The following ACADM variants were observed in gnomAD, a reference collection of about 807,000 sequenced individuals.
ACADM encodes the protein medium-chain specific acyl-CoA dehydrogenase, mitochondrial.
Under a neutral mutation model 58.9 loss-of-function variants are expected in ACADM, and 49 were observed. The ratio of observed to expected loss-of-function variants is 0.83; its 90% CI spans 0.66 to 1.06. The LOEUF (loss-of-function observed/expected upper bound fraction) is 1.06, where lower values mean the gene tolerates loss of function less well. ACADM is among the 50% of genes least tolerant of loss of function. The pLI is 0.00. For missense variants in ACADM, 496 were observed against 507.0 expected (o/e 0.98, Z 0.21); for synonymous variants, 160 against 157.7 (o/e 1.01, Z -0.11).
At chr1:75,746,898 CA>C (rs1647935445) in intron 8 of ACADM, among the ~76,000 whole-genome samples, 1 of 152,144 alleles carries the variant, frequency 6.6e-6, no homozygotes, top group South Asian at 2.1e-4. Flanking sequence ...TGCGCCCAAC[CA>C]AAGTCCCAAA....
intron 5 of ACADM, 55 bp from the exon 6 acceptor site, chr1:75,734,736 A>ATT: frequency 5.1e-6 from 7 of 1,361,400 alleles, no homozygotes; most frequent in Non-Finnish European, 7.3e-6. Context: ...GCATCTCTGA[A>ATT]TTTACATATC....
chr1:75,731,792 C>T lies in ACADM; in HGVS notation c.119-852C>T, dbSNP rs181465821. Reference sequence around the variant, plus strand: ...GTAATCCCAGCACTTTAGGAGACCACGGCAGGAGGATTGCTTGAGGCCACG... The same window carrying T: ...GTAATCCCAGCACTTTAGGAGACCATGGCAGGAGGATTGCTTGAGGCCACG... On this transcript the variant is annotated intron_variant, in intron 2 of 11. Transcript: ENST00000370841. Among the ~76,000 whole-genome samples the T allele has an allele frequency of 4.3e-4, 65 of 151,310 alleles. No individual in the cohort carries two copies. The East Asian group carries it at 9.9e-3, about 23-fold the overall frequency.
At chr1:75,760,570 AAAAAAAAAAAT>A (rs1648783295) in intron 10 of ACADM, among the ~76,000 whole-genome samples, 2 of 145,536 alleles carry the variant, frequency 1.4e-5, no homozygotes, top group East Asian at 2.0e-4. Context: ...AAAAAAAAAA[AAAAAAAAAAAT>A]CAGGCAAACT....
chr1:75,746,598 AT>A (rs769123360), intron 8 of ACADM, among the ~76,000 whole-genome samples: 42,653 of 140,278 alleles, frequency 0.3, 6,093 homozygotes, highest in Admixed American at 0.33. Context: ...CAATAAAGTA[AT>A]TTTTTTTTTT....
Position 75,749,572 on chromosome 1 carries a change from G to T in ACADM, c.849+13G>T, listed in dbSNP as rs371896160. On this transcript the variant is annotated intron_variant, in intron 9 of 11. Coordinates refer to ENST00000370841, the MANE Select transcript of ACADM (RefSeq NM_000016.6). ...AACCAGACCTGTAGTAAGTAATATG[G>T]GTTCATAATCTTTATAGGATCTTTT... 10 of 1,610,874 alleles carry T rather than the reference G, an allele frequency of 6.2e-6. No individual in the cohort carries two copies. Among genetic ancestry groups the T allele is most frequent in the Non-Finnish European group, 8.5e-6 (10 of 1,177,578 alleles).
At chr1:75,755,674 A>G (rs1196520816) in intron 10 of ACADM, among the ~76,000 whole-genome samples, 1 of 152,244 alleles carries the variant, frequency 6.6e-6, no homozygotes, top group Admixed American at 6.5e-5. Flanking sequence ...AGAGCAGAAA[A>G]GCTGAAAATT....
At chr1:75,739,178 C>T (rs1647431549) in intron 6 of ACADM, among the ~76,000 whole-genome samples, 3 of 152,140 alleles carry the variant, frequency 2.0e-5, no homozygotes, top group African/African-American at 7.2e-5. Context: ...GCAAAGAAGC[C>T]ATTTTCCTTT....
At chr1:75,726,146 G>C (rs906483030) in intron 1 of ACADM, among the ~76,000 whole-genome samples, 146 of 152,284 alleles carry the variant, frequency 9.6e-4, no homozygotes, top group African/African-American at 3.4e-3. Flanking sequence ...GGCGGCTCAC[G>C]GTTGTGATCC....
chr1:75,758,831 G>T (rs183808399), intron 10 of ACADM, among the ~76,000 whole-genome samples: 6 of 152,292 alleles, frequency 3.9e-5, no homozygotes, highest in African/African-American at 1.4e-4. Flanking sequence ...CTGTAAAATG[G>T]ACCAATCAGC....
chr1:75,735,297 CAGAG>C (rs1203615534), intron 6 of ACADM, among the ~76,000 whole-genome samples: 2 of 124,006 alleles, frequency 1.6e-5, no homozygotes, highest in Admixed American at 1.1e-4. Context: ...ACCTGGGCGA[CAGAG>C]TGAGTGAGAC....
At chr1:75,725,703 T>C (rs1647043020) in intron 1 of ACADM, among the ~76,000 whole-genome samples, 1 of 152,242 alleles carries the variant, frequency 6.6e-6, no homozygotes, top group Non-Finnish European at 1.5e-5. Flanking sequence ...AGTGGTGCTG[T>C]TTCGATATTT....
chr1:75,739,990 T>A lies in ACADM; in HGVS notation c.479T>A (p.Val160Glu). The A allele has an allele frequency of 6.2e-7, 1 of 1,611,330 alleles. No homozygotes were observed. Among genetic ancestry groups the A allele is most frequent in the Non-Finnish European group, 8.5e-7 (1 of 1,178,184 alleles). The change falls in exon 7 of 12, where the codon GTA (valine) becomes GAA (glutamate). Residue 160 changes from valine to glutamate, a missense_variant. By Grantham distance (121) the Val-to-Glu change is moderately radical. Coordinates refer to ENST00000370841, the MANE Select transcript of ACADM (RefSeq NM_000016.6). ...TTTTATATATTCAAGGCTTATTGTGTAACAGAACCTGGAGCAGGCTCTGAT... is the reference window on the plus strand; with the variant it reads ...TTTTATATATTCAAGGCTTATTGTGAAACAGAACCTGGAGCAGGCTCTGAT... The part of the protein sequence containing the change: ...TEEPLMCAYC[V>E]TEPGAGSDVA...
At chr1:75,727,147 G>A (rs930570867) in intron 1 of ACADM, among the ~76,000 whole-genome samples, 7 of 152,058 alleles carry the variant, frequency 4.6e-5, no homozygotes, top group African/African-American at 1.4e-4. Context: ...CAAAGAAAAT[G>A]CGAGTTTTCA....
At chr1:75,760,059 C>T (rs1570907987) in intron 10 of ACADM, among the ~76,000 whole-genome samples, 2 of 151,624 alleles carry the variant, frequency 1.3e-5, no homozygotes, top group South Asian at 4.2e-4. Flanking sequence ...ATCCCTTGAG[C>T]CCAGGAGTTT....
At chr1:75,748,680 A>T (rs1352365432) in intron 8 of ACADM, among the ~76,000 whole-genome samples, 1 of 152,230 alleles carries the variant, frequency 6.6e-6, no homozygotes, top group Non-Finnish European at 1.5e-5. Flanking sequence ...GACTACGCGG[A>T]GAGAAATCAC....
At position 75,732,833 on chromosome 1, in the gene ACADM, C is replaced by T; in HGVS notation, c.217-20C>T. On this transcript the variant is annotated intron_variant, in intron 3 of 11. Transcript: ENST00000370841. ...ATCTGGATTTCAAAATATATTTTAACTCAGTTCTTTTTCTTCTAGTATCCA... is the reference window on the plus strand; with the variant it reads ...ATCTGGATTTCAAAATATATTTTAATTCAGTTCTTTTTCTTCTAGTATCCA... 1.9e-6 allele frequency: 3 copies of T among 1,610,974 alleles called. No individual in the cohort carries two copies. Among genetic ancestry groups the T allele is most frequent in the Non-Finnish European group, 2.5e-6 (3 of 1,177,228 alleles).
intron 8 of ACADM, among the ~76,000 whole-genome samples, chr1:75,747,155 G>T (rs1331429574): frequency 1.3e-5 from 2 of 152,042 alleles, no homozygotes; most frequent in African/African-American, 4.8e-5. Flanking sequence ...AGCAAACTTG[G>T]CCAAATGTAT....
Position 75,760,974 on chromosome 1 carries a change from A to G in ACADM, c.946-148A>G. 3 of 736,228 alleles carry G rather than the reference A, an allele frequency of 4.1e-6. No individual in the cohort carries two copies. In the South Asian group the frequency reaches 5.3e-5, roughly 13 times the overall value. 45.6% of individuals were successfully genotyped at this position (736,228 alleles called of 1,614,324 possible). A position where few individuals can be genotyped will look rare whatever the true frequency, so the allele number is the denominator to read the frequency against. On this transcript the variant is annotated intron_variant, in intron 10 of 11. Transcript: ENST00000370841. ...GTAATCTCAGCACTTTGAGAGGCCT[A>G]AGTAGGAGGATTGCTTGAGGCCAGG...
At chr1:75,744,746 CCCGGGACACAGTGGGA>C in intron 7 of ACADM, 2 of 726,402 alleles carry the variant, frequency 2.8e-6, no homozygotes, top group Non-Finnish European at 5.1e-6. Flanking sequence ...TGGCTGAACG[CCCGGGACACAGTGGGA>C]CCGGGACAGC....
Sources: gnomAD v4.1 joint callset for allele counts (sites outside exome capture counted in the v4.1 genomes callset) on GRCh38, gnomAD v4.1.1 for gene constraint, MANE v1.5 for transcripts, NCBI Gene and HGNC (gene_info 2026-07-23, HGNC 2026-07-21) for gene names.